The following IFT57 variants were observed in gnomAD, a reference collection of about 807,000 sequenced individuals.
The protein encoded by IFT57 is intraflagellar transport 57.
Under a neutral mutation model 56.8 loss-of-function variants are expected in IFT57, and 59 were observed. The ratio of observed to expected loss-of-function variants is 1.04; its 90% CI spans 0.84 to 1.29. IFT57 has a LOEUF of 1.29. Ranked by LOEUF, IFT57 falls within the 50% of genes most tolerant of loss-of-function variation. The pLI is 0.00. For synonymous variants in IFT57, 209 were observed against 186.1 expected, an observed-to-expected ratio of 1.12 and a Z score of -1.00; for missense variants, 470 against 522.1, an observed-to-expected ratio of 0.90 and a Z score of 0.97.
At chr3:108,193,676 G>A (rs561622288) in intron 5 of IFT57, among the ~76,000 whole-genome samples, 16 of 152,246 alleles carry the variant, frequency 1.1e-4, no homozygotes, top group African/African-American at 3.6e-4. Flanking sequence ...GGAAGGAGGT[G>A]CTGCATTCAC....
At chr3:108,185,943 A>G (rs902809403) in intron 6 of IFT57, among the ~76,000 whole-genome samples, 5 of 152,020 alleles carry the variant, frequency 3.3e-5, no homozygotes, top group Non-Finnish European at 5.9e-5. Flanking sequence ...AAGTTTTTTG[A>G]TATCGGACCA....
At chr3:108,189,390 A>T (rs1347892840) in intron 6 of IFT57, among the ~76,000 whole-genome samples, 2 of 152,230 alleles carry the variant, frequency 1.3e-5, no homozygotes, top group Non-Finnish European at 2.9e-5. Context: ...ACAGTTGTAC[A>T]AGCTCAAATG....
chr3:108,217,094 T>C, intron 3 of IFT57, among the ~76,000 whole-genome samples: 1 of 152,238 alleles, frequency 6.6e-6, no homozygotes, highest in East Asian at 1.9e-4. Context: ...TCATAGAGAT[T>C]TGGAATTTTC....
intron 6 of IFT57, among the ~76,000 whole-genome samples, chr3:108,171,809 A>C (rs1383486884): frequency 6.6e-6 from 1 of 151,750 alleles, no homozygotes; most frequent in Non-Finnish European, 1.5e-5. Flanking sequence ...TTTTTGAAAA[A>C]GTACTCATCC....
At position 108,219,405 on chromosome 3, in the gene IFT57, C is replaced by T. The variant is rs1049525597; in HGVS notation, c.375+5G>A. The T allele has an allele frequency of 6.2e-7, 1 of 1,610,002 alleles. No individual in the cohort carries two copies. The highest frequency in any genetic ancestry group is 1.3e-5 in the African/African-American group (1 of 74,816). ...CAAGGAAAAAGAAGGGTCGTTTACA[C>T]TTACAAATGACCGAAGCTCGGATAG... On this transcript the variant is annotated splice_donor_5th_base_variant and intron_variant, in intron 2 of 10. Coordinates refer to ENST00000264538, the MANE Select transcript of IFT57 (RefSeq NM_018010.4).
chr3:108,192,910 G>A (rs1459307189), intron 5 of IFT57, among the ~76,000 whole-genome samples: 2 of 47,756 alleles, frequency 4.2e-5, no homozygotes, highest in Admixed American at 2.5e-4. Flanking sequence ...CAAAATGTCT[G>A]AATTTTACTT....
At chr3:108,166,798 T>A in intron 8 of IFT57, 56 bp downstream of exon 8, 1 of 1,473,104 alleles carries the variant, frequency 6.8e-7, no homozygotes, top group Non-Finnish European at 9.3e-7. Flanking sequence ...TTGTGTCAAG[T>A]TTAGGGTTTA....
chr3:108,210,194 C>G (rs9872062), intron 4 of IFT57, among the ~76,000 whole-genome samples: 1 of 151,788 alleles, frequency 6.6e-6, no homozygotes, highest in Non-Finnish European at 1.5e-5. Flanking sequence ...ATACAATAGG[C>G]GGGAATATTT....
rs2080064430 is a variant in IFT57 at position 108,166,575 on chromosome 3, T to TA, written c.981+278_981+279insT. ...CAAAACCAGGTGTCCTGATACTCTG[T>TA]TCCTGTTCTAAGCTATGTTCCCCCA... On this transcript the variant is annotated intron_variant, in intron 8 of 10. Transcript: ENST00000264538. Among the ~76,000 whole-genome samples, 9 of 152,182 alleles carry TA rather than the reference T, an allele frequency of 5.9e-5. No individual in the cohort carries two copies. The South Asian group carries it at 1.9e-3, about 31-fold the overall frequency.
chr3:108,219,186 G>T (rs1158433474), intron 2 of IFT57, among the ~76,000 whole-genome samples: 1 of 151,494 alleles, frequency 6.6e-6, no homozygotes, highest in African/African-American at 2.4e-5. Context: ...GATATATCAA[G>T]ATTTTTTTAA....
chr3:108,188,409 TAAAAG>T (rs1260192083), intron 6 of IFT57, among the ~76,000 whole-genome samples: 3 of 152,086 alleles, frequency 2.0e-5, no homozygotes, highest in African/African-American at 7.2e-5. Flanking sequence ...CTGAAAGACT[TAAAAG>T]AAAGAGAAGT....
intron 3 of IFT57, among the ~76,000 whole-genome samples, chr3:108,216,757 G>A (rs2080375236): frequency 6.6e-6 from 1 of 152,086 alleles, no homozygotes; most frequent in Non-Finnish European, 1.5e-5. Context: ...TAGAAAATGT[G>A]GTATATTTTC....
intron 5 of IFT57, among the ~76,000 whole-genome samples, chr3:108,206,392 A>C (rs1284182622): frequency 6.6e-6 from 1 of 151,926 alleles, no homozygotes; most frequent in Non-Finnish European, 1.5e-5. Context: ...TTCAGTCTGC[A>C]TGAGTAGCAC....
At chr3:108,166,797 G>C in intron 8 of IFT57, 57 bp downstream of exon 8, 1 of 1,463,698 alleles carries the variant, frequency 6.8e-7, no homozygotes, top group Non-Finnish European at 9.4e-7. Context: ...ATTGTGTCAA[G>C]TTTAGGGTTT....
chr3:108,218,241 TA>T (rs35950671), intron 3 of IFT57, among the ~76,000 whole-genome samples: 13,889 of 151,118 alleles, frequency 0.092, 700 homozygotes, highest in Middle Eastern at 0.12. Flanking sequence ...CAAGAGACTT[TA>T]AAAAAAAAGT....
At chr3:108,166,754 T>C in intron 8 of IFT57, 100 bp downstream of exon 8, 6 of 1,011,902 alleles carry the variant, frequency 5.9e-6, no homozygotes, top group Admixed American at 3.0e-5. Context: ...TTGCTGTTCA[T>C]GAAAAGCATT....
At chr3:108,212,554 G>T (rs1246639385) in intron 4 of IFT57, among the ~76,000 whole-genome samples, 1 of 152,024 alleles carries the variant, frequency 6.6e-6, no homozygotes, top group African/African-American at 2.4e-5. Flanking sequence ...TTCTTGTATG[G>T]TCTGCAAAAC....
In IFT57 at chr3:108,206,653, A is replaced by G. The variant is rs1345089963; in HGVS notation, c.629T>C (p.Val210Ala). The change falls in exon 5 of 11, where the codon GTT becomes GCT. Residue 210 changes from valine to alanine, a missense_variant. Physicochemically the swap from Val to Ala is moderately conservative, Grantham distance 64. Transcript: ENST00000264538. ...DNEENFIDLN[V>A]LKAQTYHLDM... ...CAAGTGATATGTCTGGGCCTTTAAAACGTTGAGATCAATAAAGTTTTCTTC... is the reference window on the plus strand; with the variant it reads ...CAAGTGATATGTCTGGGCCTTTAAAGCGTTGAGATCAATAAAGTTTTCTTC... The G allele has an allele frequency of 7.1e-7, 1 of 1,400,430 alleles. No individual in the cohort carries two copies. The highest frequency in any genetic ancestry group is 9.5e-7 in the Non-Finnish European group (1 of 1,053,696). The allele number at this position is 1,400,430 out of a possible 1,614,324, so 86.8% of individuals were successfully genotyped here.
intron 6 of IFT57, among the ~76,000 whole-genome samples, chr3:108,190,475 T>C (rs2108317239): frequency 6.6e-6 from 1 of 152,320 alleles, no homozygotes; most frequent in Admixed American, 6.5e-5. Context: ...TTTATAATTG[T>C]CTGGCATTTC....
Sources: gnomAD v4.1 joint callset for allele counts (sites outside exome capture counted in the v4.1 genomes callset) on GRCh38, gnomAD v4.1.1 for gene constraint, MANE v1.5 for transcripts, NCBI Gene and HGNC (gene_info 2026-07-23, HGNC 2026-07-21) for gene names.